CCDC82: variants seen among roughly 807,000 people sequenced by gnomAD.
CCDC82 encodes coiled-coil domain-containing protein 82.
A neutral mutation model predicts 60.6 loss-of-function variants in CCDC82; 47 were observed. The ratio of observed to expected loss-of-function variants is 0.77; its 90% confidence interval spans 0.61 to 0.99. The LOEUF is 0.99. Among genes scored for constraint, CCDC82 ranks in the 50% least tolerant of loss-of-function variants. The pLI is 0.00. For synonymous variants in CCDC82, 212 were observed against 207.4 expected (o/e 1.02, Z -0.19); for missense variants, 588 against 633.0 (o/e 0.93, Z 0.76).
In CCDC82 at chr11:96,384,589, T is replaced by C. The variant is rs1456554984; in HGVS notation, c.159A>G (p.Glu53=). The C allele has an allele frequency of 1.2e-6, 2 of 1,613,458 alleles. No homozygotes were observed. Among genetic ancestry groups the C allele is most frequent in the East Asian group, 4.5e-5 (2 of 44,850 alleles). ...ELDSEEFDSD[E]ELDSDESFEN... ...CAAAACTTTCATCACTATCAAGCTC[T>C]TCATCACTATCAAATTCTTCACTAT... is the stretch of plus-strand genomic sequence containing the variant. Residue 53 remains glutamate (E), a synonymous_variant, in exon 4 of 10, where the codon GAA becomes GAG. Transcript: ENST00000646818.
chr11:96,373,936 T>C (rs1423824296), intron 5 of CCDC82, among the ~76,000 whole-genome samples: 2 of 152,190 alleles, frequency 1.3e-5, no homozygotes, highest in Non-Finnish European at 2.9e-5. Flanking sequence ...CATTTCCCTT[T>C]TCATGCTGCC....
chr11:96,356,150 G>A (rs1864336406), intron 9 of CCDC82: 1 of 152,060 alleles, frequency 6.6e-6, no homozygotes, highest in Non-Finnish European at 1.5e-5. Context: ...AATAAATCTG[G>A]GATGAGGCTA....
At chr11:96,370,243 T>TA in intron 7 of CCDC82, among the ~76,000 whole-genome samples, 1 of 152,248 alleles carries the variant, frequency 6.6e-6, no homozygotes. Context: ...TTAAATAACT[T>TA]AAACTTCAAT....
intron 5 of CCDC82, among the ~76,000 whole-genome samples, chr11:96,375,619 T>C (rs1678472505): frequency 6.6e-6 from 1 of 152,322 alleles, no homozygotes; most frequent in South Asian, 2.1e-4. Flanking sequence ...CTAGATTCAT[T>C]TCTGGTTGAG....
intron 5 of CCDC82, chr11:96,382,448 ATAAT>A (rs1182318427): frequency 6.6e-6 from 1 of 151,738 alleles, no homozygotes; most frequent in Non-Finnish European, 1.5e-5. Context: ...ATTAATGAAT[ATAAT>A]TAAAAATATA....
chr11:96,373,527 A>G, intron 5 of CCDC82, 60 bp from the exon 6 acceptor site: 1 of 984,024 alleles, frequency 1.0e-6, no homozygotes, highest in African/African-American at 1.7e-5. Flanking sequence ...CTTGAATACA[A>G]TAGGTTCCAT....
chr11:96,370,190 T>A (rs1865186998), intron 7 of CCDC82, among the ~76,000 whole-genome samples: 1 of 152,206 alleles, frequency 6.6e-6, no homozygotes, highest in Non-Finnish European at 1.5e-5. Flanking sequence ...TCTCTTGGCA[T>A]AAATGAGGTA....
At chr11:96,379,939 G>A (rs1865780867) in intron 5 of CCDC82, among the ~76,000 whole-genome samples, 1 of 151,502 alleles carries the variant, frequency 6.6e-6, no homozygotes, top group African/African-American at 2.4e-5. Context: ...TGGAACCCCT[G>A]GAAACATCAA....
chr11:96,382,021 T>G (rs754568373), intron 5 of CCDC82: 8 of 151,810 alleles, frequency 5.3e-5, no homozygotes, highest in Non-Finnish European at 1.0e-4. Context: ...GTAAAACTAT[T>G]AACTGTATTA....
At chr11:96,367,404 CAAT>C (rs756042104) in intron 7 of CCDC82, among the ~76,000 whole-genome samples, 17 of 152,230 alleles carry the variant, frequency 1.1e-4, no homozygotes, top group Non-Finnish European at 1.3e-4. Context: ...GTCATTTCAA[CAAT>C]GTTTGTAGTA....
At chr11:96,383,498 C>T (rs1195893240) in intron 4 of CCDC82, 25 bp from the exon 5 acceptor site, 2 of 1,447,018 alleles carry the variant, frequency 1.4e-6, no homozygotes, top group Non-Finnish European at 1.9e-6. Flanking sequence ...ATAAATGCTT[C>T]AGTAAATGGT....
rs1430158819 is a variant in CCDC82, at chr11:96,373,464, G to T, written c.995C>A (p.Ser332Tyr). ...AAAATGAGTATAGTGGTCACTAAAA[G>T]AATCTGAAATTAATTTCAAATAAAT... ...LKLVKQNSLY[S>Y]FSDHYTHFER... Residue 332 changes from serine (S) to tyrosine (Y), a missense_variant, in exon 6 of 10, where the codon TCT (serine) becomes TAT (tyrosine). Ser to Tyr is a moderately radical substitution (Grantham distance 144). Coordinates refer to ENST00000646818, the MANE Select transcript of CCDC82 (RefSeq NM_024725.4). The T allele has an allele frequency of 1.9e-6, 3 of 1,575,954 alleles. No homozygotes were observed. Among genetic ancestry groups the T allele is most frequent in the Admixed American group, 3.5e-5 (2 of 56,734 alleles).
intron 8 of CCDC82, among the ~76,000 whole-genome samples, chr11:96,360,137 T>C (rs1483880862): frequency 6.8e-6 from 1 of 147,242 alleles, no homozygotes; most frequent in African/African-American, 2.5e-5. Flanking sequence ...TTAATATATA[T>C]TAAATATAGA....
chr11:96,355,057 T>C (rs1864276349), intron 9 of CCDC82: 1 of 152,208 alleles, frequency 6.6e-6, no homozygotes, highest in Non-Finnish European at 1.5e-5. Context: ...GCCTAGGGAC[T>C]ACTTAGGAAT....
chr11:96,367,159 T>C (rs1029896041), intron 7 of CCDC82, among the ~76,000 whole-genome samples: 18 of 152,228 alleles, frequency 1.2e-4, no homozygotes, highest in Admixed American at 6.5e-5. Flanking sequence ...CTGGGGTAGC[T>C]GTGGCAATTT....
In CCDC82 at chr11:96,383,390, T is replaced by C. The variant is rs1865983794; in HGVS notation, c.870A>G (p.Gly290=). Residue 290 remains glycine (G), a synonymous_variant, in exon 5 of 10, where the codon GGA becomes GGG. Transcript: ENST00000646818. ...EEDNYESDED[G]DDYIIDDFVV... is the part of the protein sequence containing the mutation. ...CAAAGTCATCGATAATATAATCATC[T>C]CCATCTTCATCAGATTCATAATTAT... 8 of 1,599,958 alleles carry C rather than the reference T, an allele frequency of 5.0e-6. No homozygotes were observed. Among genetic ancestry groups the C allele is most frequent in the Non-Finnish European group, 6.8e-6 (8 of 1,170,730 alleles).
chr11:96,355,637 C>A (rs1312244745), intron 9 of CCDC82: 4 of 151,986 alleles, frequency 2.6e-5, no homozygotes, highest in African/African-American at 9.7e-5. Flanking sequence ...TAAGCTTATA[C>A]TTTTAACCAG....
intron 7 of CCDC82, among the ~76,000 whole-genome samples, chr11:96,367,051 A>C (rs564591767): frequency 6.6e-6 from 1 of 152,338 alleles, no homozygotes; most frequent in South Asian, 2.1e-4. Flanking sequence ...AAATGCTAAC[A>C]ATCATCTGAA....
At chr11:96,372,004 C>T (rs1212363879) in intron 6 of CCDC82, among the ~76,000 whole-genome samples, 1 of 152,062 alleles carries the variant, frequency 6.6e-6, no homozygotes, top group Non-Finnish European at 1.5e-5. Flanking sequence ...TAAATAATCA[C>T]AAATTCAAAC....
Sources: gnomAD v4.1 joint callset for allele counts (sites outside exome capture counted in the v4.1 genomes callset) on GRCh38, gnomAD v4.1.1 for gene constraint, MANE v1.5 for transcripts, NCBI Gene and HGNC (gene_info 2026-07-23, HGNC 2026-07-21) for gene names.